The following INPP4A variants were observed in gnomAD, a reference collection of about 807,000 sequenced individuals.
INPP4A encodes inositol polyphosphate-4-phosphatase type I A.
In INPP4A, 33 loss-of-function variants were observed where a neutral mutation model predicts 119.8. That is an observed-to-expected ratio of 0.28 (90% confidence interval 0.21 to 0.37). The LOEUF is 0.37. Among genes scored for constraint, INPP4A ranks in the 10% least tolerant of loss-of-function variants. The probability of loss-of-function intolerance (pLI) is 1.00; values close to 1 mark genes in which losing one functional copy is unlikely to be tolerated. For synonymous variants in INPP4A, 496 were observed against 500.7 expected (o/e 0.99, Z 0.12); for missense variants, 956 against 1,289.9 (o/e 0.74, Z 3.97).
chr2:98,549,088 A>G (rs898828747), intron 13 of INPP4A: 7 of 834,456 alleles, frequency 8.4e-6, no homozygotes, highest in Non-Finnish European at 1.4e-5. Flanking sequence ...CATGGTTCCT[A>G]GTTATACACC....
chr2:98,468,019 C>G (rs1675153183), intron 1 of INPP4A, among the ~76,000 whole-genome samples: 1 of 152,110 alleles, frequency 6.6e-6, no homozygotes. Flanking sequence ...TAAGTTCAGC[C>G]TCATCTTTGT....
chr2:98,524,196 A>G (rs1687763844), intron 4 of INPP4A, among the ~76,000 whole-genome samples: 1 of 152,224 alleles, frequency 6.6e-6, no homozygotes, highest in Non-Finnish European at 1.5e-5. Flanking sequence ...TTTCCTTAGG[A>G]TACACTCTTG....
In INPP4A at chr2:98,590,078, A is replaced by G; in HGVS notation, c.*2470A>G. 1 of 192,864 alleles carries G rather than the reference A, an allele frequency of 5.2e-6. No homozygotes were observed. The allele number at this position is 192,864 out of a possible 1,614,324, so 11.9% of individuals were successfully genotyped here. ...TACAGTTACTGTTTTATATATTCTT[A>G]GGTCATTCAAAGCCATGTATGCTGT... On this transcript the variant is annotated 3_prime_UTR_variant, in exon 25 of 25. Coordinates refer to ENST00000409851, the MANE Select transcript of INPP4A (RefSeq NM_001134225.2).
At chr2:98,484,962 T>C (rs1427111162) in intron 1 of INPP4A, among the ~76,000 whole-genome samples, 1 of 152,148 alleles carries the variant, frequency 6.6e-6, no homozygotes, top group Non-Finnish European at 1.5e-5. Flanking sequence ...TGAGCATCCT[T>C]GTCTGAGATC....
At chr2:98,500,156 T>C (rs1682826699) in intron 1 of INPP4A, among the ~76,000 whole-genome samples, 1 of 152,192 alleles carries the variant, frequency 6.6e-6, no homozygotes, top group African/African-American at 2.4e-5. Context: ...GTCATTTAAC[T>C]TAGTAACTTG....
At chr2:98,544,601 A>T in intron 11 of INPP4A, among the ~76,000 whole-genome samples, 1 of 152,228 alleles carries the variant, frequency 6.6e-6, no homozygotes, top group East Asian at 1.9e-4. Context: ...CAGATTTGGA[A>T]ATCTGTTCTT....
chr2:98,536,098 C>T, intron 6 of INPP4A, 31 bp from the exon 7 acceptor site: 1 of 1,441,274 alleles, frequency 6.9e-7, no homozygotes. Flanking sequence ...GCAAGCGCAC[C>T]AATGCTGCCT....
At chr2:98,500,486 A>G (rs926471040) in intron 1 of INPP4A, among the ~76,000 whole-genome samples, 1 of 152,228 alleles carries the variant, frequency 6.6e-6, no homozygotes, top group Non-Finnish European at 1.5e-5. Context: ...ACATATGAAT[A>G]AAGGAAGACT....
At chr2:98,538,068 C>A in intron 8 of INPP4A, 94 bp downstream of exon 8, 1 of 820,466 alleles carries the variant, frequency 1.2e-6, no homozygotes, top group Non-Finnish European at 2.0e-6. Context: ...CTGTGCTCAG[C>A]AAAGGGCAGG....
chr2:98,487,760 T>C (rs1424814893), intron 1 of INPP4A, among the ~76,000 whole-genome samples: 4 of 152,212 alleles, frequency 2.6e-5, no homozygotes, highest in Non-Finnish European at 5.9e-5. Flanking sequence ...ATGTTACCCA[T>C]TGTTTTGAGA....
chr2:98,459,531 T>C (rs556579248), intron 1 of INPP4A, among the ~76,000 whole-genome samples: 2 of 152,278 alleles, frequency 1.3e-5, no homozygotes, highest in African/African-American at 4.8e-5. Flanking sequence ...GAGAAGTTGC[T>C]CAAGTGTTAG....
intron 1 of INPP4A, among the ~76,000 whole-genome samples, chr2:98,466,253 C>T (rs1357553769): frequency 1.3e-5 from 2 of 152,200 alleles, no homozygotes; most frequent in African/African-American, 4.8e-5. Flanking sequence ...ACCATGTTGG[C>T]CAGGTTGGTC....
At position 98,566,896 on chromosome 2, in the gene INPP4A, T is replaced by G. The variant is rs1168665003; in HGVS notation, c.2420+727T>G. Reference sequence around the variant, plus strand: ...TTCATGTGATATGTGTAGAATAGTCTAAACAGAGATCTTCAAGTACTTGCT... The same window carrying G: ...TTCATGTGATATGTGTAGAATAGTCGAAACAGAGATCTTCAAGTACTTGCT... On this transcript the variant is annotated intron_variant, in intron 21 of 24. Transcript: ENST00000409851. The surrounding 1 kb of genome is among the most constrained non-coding windows in gnomAD (Gnocchi z 4.2). Among the ~76,000 whole-genome samples, 1 of 152,338 alleles carries G rather than the reference T, an allele frequency of 6.6e-6. No individual in the cohort carries two copies. The highest frequency in any genetic ancestry group is 1.9e-4 in the East Asian group (1 of 5,184).
intron 1 of INPP4A, among the ~76,000 whole-genome samples, chr2:98,499,965 C>T (rs1682789943): frequency 6.6e-6 from 1 of 152,164 alleles, no homozygotes; most frequent in Non-Finnish European, 1.5e-5. Flanking sequence ...GTCCGTGGGT[C>T]TGGCGGAGCC....
In INPP4A at chr2:98,520,028, C is replaced by A; in HGVS notation, c.-21C>A. The A allele has an allele frequency of 6.4e-7, 1 of 1,555,640 alleles. No homozygotes were observed. The highest frequency in any genetic ancestry group is 1.9e-5 in the Admixed American group (1 of 53,248). On this transcript the variant is annotated 5_prime_UTR_variant, in exon 3 of 25. Coordinates refer to ENST00000409851, the MANE Select transcript of INPP4A (RefSeq NM_001134225.2). ...CGTGGTCTGACCGAGGATCAAGAAG[C>A]ACATCATCACCAATGACATCATGAC...
At chr2:98,491,701 A>G (rs908267063) in intron 1 of INPP4A, among the ~76,000 whole-genome samples, 2 of 152,138 alleles carry the variant, frequency 1.3e-5, no homozygotes, top group African/African-American at 4.8e-5. Flanking sequence ...CAGACAATGG[A>G]GCGCAGGGAA....
In INPP4A at chr2:98,546,545, C is replaced by A; in HGVS notation, c.1055-41C>A. On this transcript the variant is annotated intron_variant, in intron 12 of 24. Transcript: ENST00000409851. The surrounding 1 kb of genome is among the most constrained non-coding windows in gnomAD (Gnocchi z 4.2). ...TCCCTATAGCTGGCTTGTCCACAGGCCTGAGCCCAGAGTAATGGAGGAGAG... is the reference window on the plus strand; with the variant it reads ...TCCCTATAGCTGGCTTGTCCACAGGACTGAGCCCAGAGTAATGGAGGAGAG... The A allele has an allele frequency of 2.1e-6, 3 of 1,455,770 alleles. No homozygotes were observed. The highest frequency in any genetic ancestry group is 2.9e-6 in the Non-Finnish European group (3 of 1,038,610). The allele number at this position is 1,455,770 out of a possible 1,614,324, so 90.2% of individuals were successfully genotyped here.
At chr2:98,515,700 A>G (rs1685985536) in intron 1 of INPP4A, among the ~76,000 whole-genome samples, 1 of 152,164 alleles carries the variant, frequency 6.6e-6, no homozygotes, top group East Asian at 1.9e-4. Context: ...GGAGCCTGAG[A>G]GGTTCCTGAG....
In INPP4A at chr2:98,539,565, A is replaced by G; in HGVS notation, c.708A>G (p.Pro236=). 1 of 1,612,266 alleles carries G rather than the reference A, an allele frequency of 6.2e-7. No homozygotes were observed. Among genetic ancestry groups the G allele is most frequent in the East Asian group, 2.2e-5 (1 of 44,688 alleles). ...GGAICRMYRF[P]TTDGNHLRIL... is the part of the protein sequence containing the mutation. ...CCATCTGCCGCATGTACCGGTTTCC[A>G]ACCACTGATGGTAACCATTTGCGGA... The change falls in exon 10 of 25, where the codon CCA becomes CCG. Residue 236 remains proline, a synonymous_variant. Transcript: ENST00000409851.
Sources: allele counts gnomAD v4.1 joint callset (sites outside exome capture counted in the v4.1 genomes callset), GRCh38; gene constraint gnomAD v4.1.1; non-coding constraint Gnocchi (gnomAD v3.1); transcripts MANE v1.5; gene names NCBI Gene and HGNC (gene_info 2026-07-23, HGNC 2026-07-21).